The following COL21A1 variants were observed in gnomAD, a reference collection of about 807,000 sequenced individuals.
COL21A1 encodes collagen type XXI alpha 1 chain.
COL21A1 carries 149 observed loss-of-function variants against 137.9 expected under a neutral mutation model. The observed-to-expected ratio is 1.08, with a 90% confidence interval of 0.95 to 1.24. The LOEUF is 1.24. Among genes scored for constraint, COL21A1 ranks in the 50% most tolerant of loss-of-function variants. The pLI is 0.00. For missense variants in COL21A1, 1,167 were observed against 1,158.4 expected, an observed-to-expected ratio of 1.01 and a Z score of -0.11; for synonymous variants, 456 against 391.5, an observed-to-expected ratio of 1.16 and a Z score of -1.95.
At chr6:56,095,018 G>A (rs1769191675) in intron 17 of COL21A1, among the ~76,000 whole-genome samples, 1 of 152,116 alleles carries the variant, frequency 6.6e-6, no homozygotes, top group Non-Finnish European at 1.5e-5. Context: ...ATATTTCTGA[G>A]GGGGAGGCAT....
chr6:56,221,245 C>A (rs1330347429), intron 1 of COL21A1, among the ~76,000 whole-genome samples: 1 of 152,056 alleles, frequency 6.6e-6, no homozygotes, highest in Non-Finnish European at 1.5e-5. Flanking sequence ...CCAAATCCCT[C>A]TATTAGAAAT....
At chr6:56,202,605 T>A (rs1366781194) in intron 1 of COL21A1, among the ~76,000 whole-genome samples, 1 of 152,348 alleles carries the variant, frequency 6.6e-6, no homozygotes, top group South Asian at 2.1e-4. Flanking sequence ...TACAGTGGTA[T>A]CCACCTAAGT....
intron 8 of COL21A1, 55 bp from the exon 9 acceptor site, chr6:56,164,561 T>C (rs915664875): frequency 8.1e-6 from 10 of 1,236,192 alleles, no homozygotes; most frequent in Admixed American, 2.0e-5. Flanking sequence ...TATAAGTACA[T>C]GCACACGTAT....
intron 1 of COL21A1, among the ~76,000 whole-genome samples, chr6:56,275,041 G>A (rs1463806683): frequency 6.6e-6 from 1 of 152,014 alleles, no homozygotes; most frequent in Non-Finnish European, 1.5e-5. Context: ...ACAGAATAGA[G>A]AACCCAGAAA....
chr6:56,184,077 A>G (rs986713248), intron 1 of COL21A1, among the ~76,000 whole-genome samples: 1 of 152,208 alleles, frequency 6.6e-6, no homozygotes, highest in Non-Finnish European at 1.5e-5. Context: ...GATTTAGCAT[A>G]TAAGTAAATT....
intron 16 of COL21A1, among the ~76,000 whole-genome samples, chr6:56,107,658 G>C (rs1771069739): frequency 6.6e-6 from 1 of 151,532 alleles, no homozygotes; most frequent in South Asian, 2.1e-4. Flanking sequence ...ACAGTGAAAA[G>C]TGGTGAGACA....
chr6:56,104,158 T>G (rs982065956), intron 16 of COL21A1, among the ~76,000 whole-genome samples: 1 of 152,154 alleles, frequency 6.6e-6, no homozygotes, highest in African/African-American at 2.4e-5. Flanking sequence ...GTTTTTTTAA[T>G]CACCTACAAT....
chr6:56,165,911 C>CAT (rs1561936799), intron 7 of COL21A1, among the ~76,000 whole-genome samples: 3 of 88,084 alleles, frequency 3.4e-5, no homozygotes, highest in Non-Finnish European at 6.6e-5. Flanking sequence ...ATTGATTACA[C>CAT]ACACACACAC....
chr6:56,169,819 T>TA (rs1225340858), intron 5 of COL21A1, among the ~76,000 whole-genome samples: 1 of 152,008 alleles, frequency 6.6e-6, no homozygotes, highest in Non-Finnish European at 1.5e-5. Context: ...CTATTGTAAA[T>TA]ACGCTCTTTG....
chr6:56,255,353 G>GTGTGTT (rs1782944012), intron 1 of COL21A1, among the ~76,000 whole-genome samples: 1 of 151,550 alleles, frequency 6.6e-6, no homozygotes, highest in African/African-American at 2.4e-5. Flanking sequence ...GTGTGTGTGT[G>GTGTGTT]TGTGTGTGTG....
intron 16 of COL21A1, among the ~76,000 whole-genome samples, chr6:56,123,147 C>T (rs1176020177): frequency 6.6e-6 from 1 of 152,142 alleles, no homozygotes; most frequent in African/African-American, 2.4e-5. Context: ...GCTTTATTCT[C>T]CTCTATATGT....
chr6:56,213,321 T>C (rs1162152460), intron 1 of COL21A1, among the ~76,000 whole-genome samples: 1 of 152,106 alleles, frequency 6.6e-6, no homozygotes, highest in Non-Finnish European at 1.5e-5. Context: ...TTATCCATGA[T>C]TACCCTCATC....
intron 1 of COL21A1, among the ~76,000 whole-genome samples, chr6:56,194,061 A>G (rs903155929): frequency 1.3e-5 from 2 of 152,178 alleles, no homozygotes; most frequent in Non-Finnish European, 2.9e-5. Context: ...GTGAGTCATC[A>G]CCAGGATGTG....
At chr6:56,087,008 G>C (rs556552723) in intron 17 of COL21A1, among the ~76,000 whole-genome samples, 1 of 152,154 alleles carries the variant, frequency 6.6e-6, no homozygotes, top group African/African-American at 2.4e-5. Context: ...TTTGGTGTCT[G>C]TTACCTCTTG....
intron 16 of COL21A1, among the ~76,000 whole-genome samples, chr6:56,118,745 ATTCAT>A (rs1772170724): frequency 6.6e-6 from 1 of 152,086 alleles, no homozygotes; most frequent in Admixed American, 6.6e-5. Context: ...ACCAAGTGGG[ATTCAT>A]CGCTGGGATA....
Position 56,097,972 on chromosome 6 carries a change from TAA to T in COL21A1, c.1812+3498_1812+3499del, listed in dbSNP as rs1562188942. On this transcript the variant is annotated intron_variant, in intron 17 of 29. Transcript: ENST00000244728. The stretch of plus-strand genomic sequence containing the variant: ...AAATATAAAAATATATATAAATATA[TAA>T]ATATATATAAATATATATGTAAATA... 2.6e-3 allele frequency among the ~76,000 whole-genome samples: 146 copies of T among 55,372 alleles called. 4 individuals carry two copies. The highest frequency in any genetic ancestry group is 0.01 in the African/African-American group (109 of 10,676). 36.3% of individuals were successfully genotyped at this position (55,372 alleles called of 152,430 possible). A position where few individuals can be genotyped will look rare whatever the true frequency, so the allele number is the denominator to read the frequency against.
chr6:56,342,745 G>A (rs186893842), intron 1 of COL21A1, among the ~76,000 whole-genome samples: 1 of 152,268 alleles, frequency 6.6e-6, no homozygotes, highest in African/African-American at 2.4e-5. Context: ...ATGAAGGCAT[G>A]GATGCTTTGT....
At chr6:56,063,486 AG>A (rs1765986025) in intron 24 of COL21A1, among the ~76,000 whole-genome samples, 1 of 152,070 alleles carries the variant, frequency 6.6e-6, no homozygotes, top group Admixed American at 6.6e-5. Flanking sequence ...TGTGTCATCA[AG>A]TGGGTCTGAG....
At chr6:56,182,133 C>T (rs1256539116) in intron 2 of COL21A1, among the ~76,000 whole-genome samples, 1 of 152,106 alleles carries the variant, frequency 6.6e-6, no homozygotes, top group Non-Finnish European at 1.5e-5. Flanking sequence ...TATAGGCAAG[C>T]TTTCCTACAA....
Sources: allele counts gnomAD v4.1 joint callset (sites outside exome capture counted in the v4.1 genomes callset), GRCh38; gene constraint gnomAD v4.1.1; transcripts MANE v1.5; gene names NCBI Gene and HGNC (gene_info 2026-07-23, HGNC 2026-07-21).